MIPOL1: variants seen among roughly 807,000 people sequenced by gnomAD.
The protein encoded by MIPOL1 is mirror-image polydactyly 1, also known as mirror-image polydactyly gene 1 protein.
A neutral mutation model predicts 60.9 loss-of-function variants in MIPOL1; 57 were observed. The observed-to-expected ratio is 0.94, with a 90% CI of 0.76 to 1.17. The LOEUF is 1.17. Ranked by LOEUF, MIPOL1 falls within the 50% of genes most tolerant of loss-of-function variation. The pLI, the probability that MIPOL1 is intolerant of heterozygous loss-of-function variation, is 0.00. For synonymous variants in MIPOL1, 179 were observed against 168.8 expected (o/e 1.06, Z -0.47); for missense variants, 551 against 511.6 (o/e 1.08, Z -0.74).
intron 11 of MIPOL1, among the ~76,000 whole-genome samples, chr14:37,473,523 C>T (rs1365771622): frequency 6.6e-6 from 1 of 152,092 alleles, no homozygotes; most frequent in African/African-American, 2.4e-5. Flanking sequence ...TCAGTTTTCA[C>T]TCCTACTCTG....
At chr14:37,356,309 A>C (rs913960190) in intron 9 of MIPOL1, among the ~76,000 whole-genome samples, 3 of 151,568 alleles carry the variant, frequency 2.0e-5, no homozygotes, top group Non-Finnish European at 2.9e-5. Flanking sequence ...GCTCTCTTCA[A>C]AGCTGTCAGA....
At chr14:37,513,467 T>C (rs1316531066) in intron 12 of MIPOL1, among the ~76,000 whole-genome samples, 1 of 152,144 alleles carries the variant, frequency 6.6e-6, no homozygotes, top group African/African-American at 2.4e-5. Context: ...ATGGGGAATG[T>C]CTCATGTTGG....
chr14:37,520,751 C>T (rs2095406991), intron 12 of MIPOL1, among the ~76,000 whole-genome samples: 1 of 151,788 alleles, frequency 6.6e-6, no homozygotes, highest in African/African-American at 2.4e-5. Context: ...TGTAACATCA[C>T]ATGATGTTTG....
rs1349797912 is a variant in MIPOL1, at chr14:37,197,951, G to A, written c.-352G>A. ...CGCCGCCCCGTAGGCCCCACGCGCC[G>A]CCCCGCTCCTCCGCCGGATCGTCTG... On this transcript the variant is annotated 5_prime_UTR_variant, in exon 1 of 13. Transcript: ENST00000684589. 1.3e-5 allele frequency: 2 copies of A among 152,146 alleles called. No individual in the cohort carries two copies. Among genetic ancestry groups the A allele is most frequent in the African/African-American group, 2.4e-5 (1 of 41,430 alleles). The allele number at this position is 152,146 out of a possible 1,614,324, so 9.4% of individuals were successfully genotyped here. A position where few individuals can be genotyped will look rare whatever the true frequency, so the allele number is the denominator to read the frequency against.
chr14:37,515,370 A>C (rs527744499), intron 12 of MIPOL1, among the ~76,000 whole-genome samples: 182 of 152,206 alleles, frequency 1.2e-3, no homozygotes, highest in African/African-American at 4.4e-3. Flanking sequence ...AGTGACAAAA[A>C]AAAAGATTCT....
At chr14:37,229,157 T>C (rs1389521868) in intron 1 of MIPOL1, among the ~76,000 whole-genome samples, 1 of 152,134 alleles carries the variant, frequency 6.6e-6, no homozygotes, top group African/African-American at 2.4e-5. Context: ...AAAGATTAAT[T>C]TGTGTGTGTA....
At chr14:37,310,590 C>A (rs1291177425) in intron 9 of MIPOL1, among the ~76,000 whole-genome samples, 4 of 152,118 alleles carry the variant, frequency 2.6e-5, no homozygotes, top group Non-Finnish European at 5.9e-5. Context: ...ACAAGGTGAT[C>A]GCTTAACCAC....
chr14:37,477,354 C>T (rs111961455), intron 11 of MIPOL1, among the ~76,000 whole-genome samples: 2,487 of 151,982 alleles, frequency 0.016, 61 homozygotes, highest in African/African-American at 0.056. Context: ...CCTGGTGCTT[C>T]CATTTTTGGA....
intron 11 of MIPOL1, among the ~76,000 whole-genome samples, chr14:37,487,905 GT>G (rs1268790090): frequency 6.6e-6 from 1 of 152,092 alleles, no homozygotes; most frequent in Non-Finnish European, 1.5e-5. Context: ...TGCTTCTCTA[GT>G]TCTTTCAATT....
Position 37,551,174 on chromosome 14 carries a change from CAA to C in MIPOL1, c.*4205_*4206del, listed in dbSNP as rs2095560901. ...AATTTCTGGACTATCTGATTATTAA[CAA>C]AGATGTATTTTAATGCACAAACTCA... is the stretch of plus-strand genomic sequence containing the variant. On this transcript the variant is annotated 3_prime_UTR_variant, in exon 13 of 13. Transcript: ENST00000684589. The C allele has an allele frequency of 1.3e-5, 2 of 152,052 alleles. No homozygotes were observed. The highest frequency in any genetic ancestry group is 4.1e-4 in the South Asian group (2 of 4,830). 9.4% of individuals were successfully genotyped at this position (152,052 alleles called of 1,614,324 possible).
chr14:37,289,206 A>T (rs944850724), intron 7 of MIPOL1, among the ~76,000 whole-genome samples: 2 of 152,158 alleles, frequency 1.3e-5, no homozygotes, highest in Non-Finnish European at 2.9e-5. Context: ...CTTTTCTCTT[A>T]TTCAACACAA....
rs2095561008 is a variant in MIPOL1, at chr14:37,551,216, A to G, written c.*4245A>G. 1 of 152,140 alleles carries G rather than the reference A, an allele frequency of 6.6e-6. No individual in the cohort carries two copies. The highest frequency in any genetic ancestry group is 6.5e-5 in the Admixed American group (1 of 15,272). 9.4% of individuals were successfully genotyped at this position (152,140 alleles called of 1,614,324 possible). On this transcript the variant is annotated 3_prime_UTR_variant, in exon 13 of 13. Coordinates refer to ENST00000684589, the MANE Select transcript of MIPOL1 (RefSeq NM_001388067.1). ...GCACAAACTCAAATGTTTAAAATAT[A>G]TATTTACTTTGTACTCAAATAAAAT...
chr14:37,322,958 G>C lies in MIPOL1; in HGVS notation c.828+14439G>C, dbSNP rs113149584. Among the ~76,000 whole-genome samples, 361 of 152,200 alleles carry C rather than the reference G, an allele frequency of 2.4e-3. 3 individuals are homozygous for C. The highest frequency in any genetic ancestry group is 8.1e-3 in the African/African-American group (335 of 41,556). On this transcript the variant is annotated intron_variant, in intron 9 of 12. Transcript: ENST00000684589. ...TATTGTGATGATAGTTTCTTTTGCTGTGCAGAAGCTCTTTAGTTTAATTAG... is the reference window on the plus strand; with the variant it reads ...TATTGTGATGATAGTTTCTTTTGCTCTGCAGAAGCTCTTTAGTTTAATTAG...
chr14:37,500,513 GATC>G (rs1157666015), intron 12 of MIPOL1, among the ~76,000 whole-genome samples: 18 of 152,126 alleles, frequency 1.2e-4, no homozygotes, highest in African/African-American at 3.9e-4. Context: ...CTTGAGTTGA[GATC>G]ATCTGTGACA....
At chr14:37,437,786 C>T (rs1235039833) in intron 11 of MIPOL1, among the ~76,000 whole-genome samples, 1 of 152,126 alleles carries the variant, frequency 6.6e-6, no homozygotes, top group East Asian at 1.9e-4. Flanking sequence ...TCAAATAATG[C>T]ATGTACAATG....
At chr14:37,373,650 T>C (rs1298932433) in intron 10 of MIPOL1, among the ~76,000 whole-genome samples, 1 of 152,116 alleles carries the variant, frequency 6.6e-6, no homozygotes, top group Non-Finnish European at 1.5e-5. Flanking sequence ...GGTTTTCTGT[T>C]CCTGTGTTAG....
At chr14:37,365,478 G>T (rs1165408954) in intron 9 of MIPOL1, among the ~76,000 whole-genome samples, 1 of 152,018 alleles carries the variant, frequency 6.6e-6, no homozygotes, top group Non-Finnish European at 1.5e-5. Context: ...TATGGTTTTT[G>T]TCCTTCACTC....
intron 3 of MIPOL1, among the ~76,000 whole-genome samples, chr14:37,250,827 A>G (rs1031519533): frequency 6.6e-6 from 1 of 152,148 alleles, no homozygotes; most frequent in East Asian, 1.9e-4. Flanking sequence ...CCTTTATTTC[A>G]TCTTACAAAT....
At chr14:37,387,047 C>A (rs1369059254) in intron 10 of MIPOL1, among the ~76,000 whole-genome samples, 1 of 151,648 alleles carries the variant, frequency 6.6e-6, no homozygotes, top group Non-Finnish European at 1.5e-5. Flanking sequence ...AAATAATATT[C>A]AATAATATTC....
Sources: gnomAD v4.1 joint callset for allele counts (sites outside exome capture counted in the v4.1 genomes callset) on GRCh38, gnomAD v4.1.1 for gene constraint, MANE v1.5 for transcripts, NCBI Gene and HGNC (gene_info 2026-07-23, HGNC 2026-07-21) for gene names.